Variants in ARHGEF33 observed in about 807,000 individuals in gnomAD.
The protein encoded by ARHGEF33 is Rho guanine nucleotide exchange factor 33.
A neutral mutation model predicts 101.9 loss-of-function variants in ARHGEF33; 72 were observed. The ratio of observed to expected loss-of-function variants is 0.71; its 90% CI spans 0.58 to 0.86. ARHGEF33 has a LOEUF of 0.86. ARHGEF33 is among the 40% of genes least tolerant of loss of function. The pLI is 0.00. For missense variants in ARHGEF33, 1,169 were observed against 1,111.3 expected (o/e 1.05, Z -0.74); for synonymous variants, 499 against 442.5 (o/e 1.13, Z -1.60).
At chr2:38,962,769 CTT>C (rs1295245623) in intron 16 of ARHGEF33, among the ~76,000 whole-genome samples, 1 of 134,056 alleles carries the variant, frequency 7.5e-6, no homozygotes, top group Non-Finnish European at 1.5e-5. Context: ...AATCCTAGCA[CTT>C]TGGGAGGCCG....
chr2:38,906,007 G>A (rs1666379396), intron 2 of ARHGEF33, among the ~76,000 whole-genome samples: 1 of 152,002 alleles, frequency 6.6e-6, no homozygotes, highest in South Asian at 2.1e-4. Flanking sequence ...ACTTTGGGAG[G>A]ACCAGGTGGC....
chr2:38,929,591 C>A, intron 5 of ARHGEF33, 118 bp from the exon 6 acceptor site: 2 of 798,848 alleles, frequency 2.5e-6, no homozygotes, highest in Non-Finnish European at 3.5e-6. Flanking sequence ...TTTTTAATCT[C>A]TCATTCATTC....
intron 10 of ARHGEF33, among the ~76,000 whole-genome samples, chr2:38,944,267 G>A (rs2124402702): frequency 6.6e-6 from 1 of 152,288 alleles, no homozygotes; most frequent in East Asian, 1.9e-4. Context: ...CTGGAGACTG[G>A]GGAGTCTAAG....
intron 2 of ARHGEF33, among the ~76,000 whole-genome samples, chr2:38,914,371 C>T (rs749656101): frequency 2.2e-4 from 33 of 152,100 alleles, no homozygotes; most frequent in Non-Finnish European, 4.4e-4. Flanking sequence ...GCAGTCATTA[C>T]AAGTAATTTC....
intron 2 of ARHGEF33, among the ~76,000 whole-genome samples, chr2:38,916,354 T>C (rs1001252444): frequency 6.6e-6 from 1 of 152,252 alleles, no homozygotes; most frequent in East Asian, 1.9e-4. Context: ...TTAGGTCTCA[T>C]GTGCTTCTTT....
intron 2 of ARHGEF33, among the ~76,000 whole-genome samples, chr2:38,917,988 T>C (rs905875047): frequency 1.3e-5 from 2 of 152,174 alleles, no homozygotes; most frequent in African/African-American, 4.8e-5. Context: ...TCTTGGATAG[T>C]GTTCATATAT....
chr2:38,895,778 A>G lies in ARHGEF33; in HGVS notation c.-157A>G, dbSNP rs1666109070. On this transcript the variant is annotated splice_region_variant and 5_prime_UTR_variant, in exon 2 of 18. Coordinates refer to ENST00000409978, the MANE Select transcript of ARHGEF33 (RefSeq NM_001145451.5). ...CGTTTTTTTTTTTTTTTTTTACAGA[A>G]CTTCTAGAGAAAACAAGAAGAAGAC... 1 of 151,408 alleles carries G rather than the reference A, an allele frequency of 6.6e-6. No homozygotes were observed. The highest frequency in any genetic ancestry group is 2.1e-4 in the South Asian group (1 of 4,812). The allele number at this position is 151,408 out of a possible 1,614,324, so 9.4% of individuals were successfully genotyped here.
At chr2:38,903,597 G>T (rs1424618299) in intron 2 of ARHGEF33, among the ~76,000 whole-genome samples, 1 of 152,108 alleles carries the variant, frequency 6.6e-6, no homozygotes, top group Non-Finnish European at 1.5e-5. Flanking sequence ...GGATTCTAAG[G>T]TGCATTCCAA....
intron 10 of ARHGEF33, among the ~76,000 whole-genome samples, chr2:38,947,044 A>T (rs1470886433): frequency 1.3e-5 from 2 of 152,238 alleles, no homozygotes; most frequent in African/African-American, 4.8e-5. Context: ...AACATTTACT[A>T]TCGGCATTTT....
intron 16 of ARHGEF33, among the ~76,000 whole-genome samples, 176 bp downstream of exon 16, chr2:38,960,824 T>A (rs1248269271): frequency 6.6e-6 from 1 of 152,054 alleles, no homozygotes; most frequent in East Asian, 1.9e-4. Context: ...CCCCGCGCCC[T>A]GCGAGCTGTA....
chr2:38,893,608 T>C (rs982594882), intron 1 of ARHGEF33, among the ~76,000 whole-genome samples: 3 of 152,248 alleles, frequency 2.0e-5, no homozygotes, highest in African/African-American at 7.2e-5. Context: ...CTTTTTCATT[T>C]GTCACAATCC....
intron 13 of ARHGEF33, among the ~76,000 whole-genome samples, chr2:38,955,481 C>CTTTTTTTTTTTTTTT (rs3085350): frequency 2.8e-5 from 2 of 71,186 alleles, no homozygotes; most frequent in Non-Finnish European, 2.4e-5. Flanking sequence ...ATTGAAAAGA[C>CTTTTTTTTTTTTTTT]TTTTTTTTTT....
chr2:38,926,916 A>T (rs967388880), intron 4 of ARHGEF33, among the ~76,000 whole-genome samples: 3 of 152,140 alleles, frequency 2.0e-5, no homozygotes, highest in Non-Finnish European at 4.4e-5. Context: ...ATTTAATGTT[A>T]TATAGCCATC....
chr2:38,933,533 G>A (rs977989657), intron 7 of ARHGEF33, among the ~76,000 whole-genome samples: 16 of 152,036 alleles, frequency 1.1e-4, no homozygotes, highest in Non-Finnish European at 1.5e-4. Flanking sequence ...ACAGGCACCC[G>A]CCACCATGCC....
intron 16 of ARHGEF33, among the ~76,000 whole-genome samples, chr2:38,961,512 T>C (rs1391327079): frequency 6.6e-6 from 1 of 152,192 alleles, no homozygotes; most frequent in African/African-American, 2.4e-5. Flanking sequence ...AAGCAGAGCA[T>C]AAGTAACATG....
intron 10 of ARHGEF33, among the ~76,000 whole-genome samples, chr2:38,946,908 G>C (rs948259858): frequency 2.6e-5 from 4 of 152,150 alleles, no homozygotes; most frequent in Admixed American, 2.6e-4. Context: ...TTACAGGTGT[G>C]AGCCACTGTG....
intron 2 of ARHGEF33, among the ~76,000 whole-genome samples, chr2:38,912,865 GA>G (rs1363187021): frequency 6.6e-6 from 1 of 151,942 alleles, no homozygotes; most frequent in Non-Finnish European, 1.5e-5. Context: ...AGAAAATGGG[GA>G]TAATGATACA....
intron 2 of ARHGEF33, among the ~76,000 whole-genome samples, chr2:38,916,962 G>T (rs987643415): frequency 6.6e-6 from 1 of 151,698 alleles, no homozygotes; most frequent in Non-Finnish European, 1.5e-5. Context: ...CACCACGCCC[G>T]ATTAATTTTG....
chr2:38,949,335 C>G (rs894979902), intron 10 of ARHGEF33, among the ~76,000 whole-genome samples: 3 of 152,146 alleles, frequency 2.0e-5, no homozygotes, highest in Non-Finnish European at 2.9e-5. Context: ...ATAAAGGAAC[C>G]TACCTTAAGT....
Sources: gnomAD v4.1 joint callset for allele counts (sites outside exome capture counted in the v4.1 genomes callset) on GRCh38, gnomAD v4.1.1 for gene constraint, MANE v1.5 for transcripts, NCBI Gene and HGNC (gene_info 2026-07-23, HGNC 2026-07-21) for gene names.